ARHGAP42: variants seen among roughly 807,000 people sequenced by gnomAD.
ARHGAP42 encodes Rho GTPase activating protein 42, also known as rho GTPase-activating protein 42.
In ARHGAP42, 63 loss-of-function variants were observed where a neutral mutation model predicts 125.0. The ratio of observed to expected loss-of-function variants is 0.50; its 90% CI spans 0.41 to 0.62. ARHGAP42 has a LOEUF of 0.62. Ranked by LOEUF, ARHGAP42 falls within the 20% of genes least tolerant of loss-of-function variation. The probability of loss-of-function intolerance (pLI) is 0.00; values close to 1 mark genes in which losing one functional copy is unlikely to be tolerated. For missense variants in ARHGAP42, 766 were observed against 1,024.2 expected (o/e 0.75, Z 3.44); for synonymous variants, 339 against 351.0 (o/e 0.97, Z 0.38).
intron 6 of ARHGAP42, among the ~76,000 whole-genome samples, chr11:100,932,925 A>C (rs143760798): frequency 2.0e-5 from 3 of 152,326 alleles, no homozygotes; most frequent in African/African-American, 7.2e-5. Flanking sequence ...TTAACATGAC[A>C]AATGTCCTTG....
At chr11:100,952,734 C>CTTTTTTTTTTTTTTTT (rs59112603) in intron 12 of ARHGAP42, among the ~76,000 whole-genome samples, 9 of 117,520 alleles carry the variant, frequency 7.7e-5, no homozygotes, top group Non-Finnish European at 1.2e-4. Context: ...CTAAGTCAGG[C>CTTTTTTTTTTTTTTTT]TTTTTTTTTT....
intron 4 of ARHGAP42, among the ~76,000 whole-genome samples, chr11:100,875,542 C>T (rs1168167952): frequency 6.6e-6 from 1 of 152,148 alleles, no homozygotes; most frequent in Non-Finnish European, 1.5e-5. Context: ...GGAGGGTTTG[C>T]AGTGAGGCAG....
chr11:100,968,187 G>A (rs1858148308), intron 17 of ARHGAP42, among the ~76,000 whole-genome samples: 1 of 152,108 alleles, frequency 6.6e-6, no homozygotes, highest in African/African-American at 2.4e-5. Flanking sequence ...GTATTTCTGA[G>A]TCTAATGTAT....
At position 100,917,843 on chromosome 11, in the gene ARHGAP42, A is replaced by T. The variant is rs111350013; in HGVS notation, c.487-3651A>T. Among the ~76,000 whole-genome samples the T allele has an allele frequency of 8.3e-3, 1,258 of 152,276 alleles. 19 individuals are homozygous for T. Among genetic ancestry groups the T allele is most frequent in the African/African-American group, 0.029 (1,204 of 41,552 alleles). ...CATCTTGGCCTCCCAAATTGCTGGGATTATAGGCATGAGCTCCGCCCAGCC... is the reference window on the plus strand; with the variant it reads ...CATCTTGGCCTCCCAAATTGCTGGGTTTATAGGCATGAGCTCCGCCCAGCC... On this transcript the variant is annotated intron_variant, in intron 5 of 23. Coordinates refer to ENST00000298815, the MANE Select transcript of ARHGAP42 (RefSeq NM_152432.4).
At chr11:100,710,573 T>G (rs1861548378) in intron 1 of ARHGAP42, among the ~76,000 whole-genome samples, 1 of 94,722 alleles carries the variant, frequency 1.1e-5, no homozygotes. Flanking sequence ...AGAGTCTCGC[T>G]CTGTCCCCAG....
At chr11:100,871,545 TAAAAAAAAAA>T (rs35883788) in intron 4 of ARHGAP42, among the ~76,000 whole-genome samples, 3 of 127,782 alleles carry the variant, frequency 2.3e-5, no homozygotes, top group African/African-American at 9.0e-5. Flanking sequence ...GACTGTTTCT[TAAAAAAAAAA>T]AAAAAAGAAA....
chr11:100,837,707 G>A (rs1445799744), intron 3 of ARHGAP42, among the ~76,000 whole-genome samples: 1 of 61,706 alleles, frequency 1.6e-5, no homozygotes, highest in Non-Finnish European at 2.9e-5. Context: ...TAGTAAATAT[G>A]CTTAATTTGG....
chr11:100,963,666 T>C (rs1007091207), intron 16 of ARHGAP42, among the ~76,000 whole-genome samples: 25 of 152,198 alleles, frequency 1.6e-4, no homozygotes, highest in African/African-American at 5.8e-4. Flanking sequence ...CTCTCCACTC[T>C]ACCTCCTCTT....
chr11:100,753,043 G>A (rs761596959), intron 1 of ARHGAP42, among the ~76,000 whole-genome samples: 4 of 152,184 alleles, frequency 2.6e-5, no homozygotes, highest in Non-Finnish European at 5.9e-5. Flanking sequence ...GCTCCCAGAA[G>A]TTCTGTCCCT....
At position 100,735,058 on chromosome 11, in the gene ARHGAP42, G is replaced by A. The variant is rs77943866; in HGVS notation, c.155-35285G>A. 7.1e-3 allele frequency among the ~76,000 whole-genome samples: 1,085 copies of A among 152,290 alleles called. 8 individuals are homozygous for A. The highest frequency in any genetic ancestry group is 9.0e-3 in the Non-Finnish European group (611 of 68,024). On this transcript the variant is annotated intron_variant, in intron 1 of 23. Coordinates refer to ENST00000298815, the MANE Select transcript of ARHGAP42 (RefSeq NM_152432.4). ...CTGTGTTTGGGGTTTGCAGGAGCCTGGGTCTACTCAGCTTAGTTACCAACT... is the reference window on the plus strand; with the variant it reads ...CTGTGTTTGGGGTTTGCAGGAGCCTAGGTCTACTCAGCTTAGTTACCAACT...
At chr11:100,876,736 G>A (rs1271517017) in intron 4 of ARHGAP42, among the ~76,000 whole-genome samples, 2 of 152,142 alleles carry the variant, frequency 1.3e-5, no homozygotes, top group Non-Finnish European at 2.9e-5. Context: ...AGAGAAATCT[G>A]GTAAGCTCTA....
chr11:100,973,086 A>T, intron 17 of ARHGAP42, 89 bp from the exon 18 acceptor site: 1 of 1,226,688 alleles, frequency 8.2e-7, no homozygotes, highest in Non-Finnish European at 1.1e-6. Flanking sequence ...CATATTTTAC[A>T]TTTTTTGCAC....
intron 14 of ARHGAP42, 75 bp downstream of exon 14, chr11:100,961,064 A>G (rs572716893): frequency 1.1e-6 from 1 of 928,280 alleles, no homozygotes; most frequent in Non-Finnish European, 1.6e-6. Flanking sequence ...TTCTTTGACT[A>G]GTGCTTGTCT....
At chr11:100,941,620 C>T (rs202120450) in intron 8 of ARHGAP42, among the ~76,000 whole-genome samples, 164 bp from the exon 9 acceptor site, 1 of 2,488 alleles carries the variant, frequency 4.0e-4, no homozygotes, top group African/African-American at 1.9e-3. Flanking sequence ...ACACTCTACC[C>T]TATACCGCTG....
intron 3 of ARHGAP42, among the ~76,000 whole-genome samples, chr11:100,810,517 G>A (rs1864110678): frequency 6.6e-6 from 1 of 152,044 alleles, no homozygotes; most frequent in Admixed American, 6.5e-5. Flanking sequence ...TTCAACAGCA[G>A]ATACACTGCT....
chr11:100,721,629 C>T (rs897053773), intron 1 of ARHGAP42, among the ~76,000 whole-genome samples: 5 of 151,940 alleles, frequency 3.3e-5, no homozygotes, highest in Admixed American at 6.6e-5. Context: ...CCCGCCGCCA[C>T]GCCCAGCTAA....
intron 4 of ARHGAP42, among the ~76,000 whole-genome samples, chr11:100,900,018 T>A (rs1213678562): frequency 1.3e-5 from 2 of 152,208 alleles, no homozygotes; most frequent in African/African-American, 4.8e-5. Flanking sequence ...TCTTTTCAAT[T>A]TGGCATGTTT....
chr11:100,851,543 G>A (rs893041318), intron 3 of ARHGAP42, among the ~76,000 whole-genome samples: 1 of 152,122 alleles, frequency 6.6e-6, no homozygotes, highest in Non-Finnish European at 1.5e-5. Context: ...TGTGTAATAC[G>A]TAGCACTTGA....
intron 3 of ARHGAP42, among the ~76,000 whole-genome samples, chr11:100,836,050 CTTAATAAAGAG>C (rs1464403716): frequency 6.6e-6 from 1 of 152,000 alleles, no homozygotes; most frequent in African/African-American, 2.4e-5. Context: ...TAAGTTCACA[CTTAATAAAGAG>C]TTTCAAGTCA....
Sources: gnomAD v4.1 joint callset for allele counts (sites outside exome capture counted in the v4.1 genomes callset) on GRCh38, gnomAD v4.1.1 for gene constraint, MANE v1.5 for transcripts, NCBI Gene and HGNC (gene_info 2026-07-23, HGNC 2026-07-21) for gene names.